The following GIGYF2 variants were observed in gnomAD, a reference collection of about 807,000 sequenced individuals.
GIGYF2 encodes the protein GRB10 interacting GYF protein 2.
In GIGYF2, 25 loss-of-function variants were observed where a neutral mutation model predicts 208.1. That is an observed-to-expected ratio of 0.12 (90% CI 0.09 to 0.17). The LOEUF is 0.17. Ranked by LOEUF, GIGYF2 falls within the 10% of genes least tolerant of loss-of-function variation. GIGYF2 has a pLI of 1.00. For missense variants in GIGYF2, 1,302 were observed against 1,579.4 expected (o/e 0.82, Z 2.98); for synonymous variants, 534 against 543.8 (o/e 0.98, Z 0.25).
At chr2:232,840,165 G>A (rs923854998) in intron 23 of GIGYF2, among the ~76,000 whole-genome samples, 194 bp downstream of exon 23, 1 of 152,186 alleles carries the variant, frequency 6.6e-6, no homozygotes, top group Non-Finnish European at 1.5e-5. Context: ...ATAACATGAA[G>A]ATTGAGTAAC....
intron 22 of GIGYF2, among the ~76,000 whole-genome samples, chr2:232,837,278 C>T: frequency 6.6e-6 from 1 of 152,142 alleles, no homozygotes; most frequent in Non-Finnish European, 1.5e-5. Flanking sequence ...GAAGGGAAGC[C>T]GTGTCTTGAC....
In GIGYF2 at chr2:232,747,610, T is replaced by C. The variant is rs773916533; in HGVS notation, c.42-5T>C. The C allele has an allele frequency of 4.3e-5, 69 of 1,614,014 alleles. No homozygotes were observed. In the East Asian group the frequency reaches 1.4e-3, roughly 34 times the overall value. Reference sequence around the variant, plus strand: ...TTGACATATTCTCTGTCTTTTCTATTCTAGGCTCCGAGCTCTGTCCAGTGG... The same window carrying C: ...TTGACATATTCTCTGTCTTTTCTATCCTAGGCTCCGAGCTCTGTCCAGTGG... On this transcript the variant is annotated splice_region_variant and splice_polypyrimidine_tract_variant and intron_variant, in intron 3 of 28. Coordinates refer to ENST00000373563, the MANE Select transcript of GIGYF2 (RefSeq NM_001103146.3).
At chr2:232,793,019 C>T (rs1368415211) in intron 12 of GIGYF2, among the ~76,000 whole-genome samples, 1 of 152,078 alleles carries the variant, frequency 6.6e-6, no homozygotes, top group Non-Finnish European at 1.5e-5. Context: ...AGTAGGTGGT[C>T]TCTGAACACA....
chr2:232,703,661 C>G (rs1014350520), intron 2 of GIGYF2, among the ~76,000 whole-genome samples, 172 bp downstream of exon 2: 1 of 152,190 alleles, frequency 6.6e-6, no homozygotes, highest in Non-Finnish European at 1.5e-5. Flanking sequence ...GTAACATACC[C>G]TTTCTGCATT....
At chr2:232,712,238 C>T (rs1696454255) in intron 2 of GIGYF2, among the ~76,000 whole-genome samples, 1 of 152,016 alleles carries the variant, frequency 6.6e-6, no homozygotes, top group African/African-American at 2.4e-5. Context: ...TCTTTCAAGT[C>T]AAAATTATGT....
intron 2 of GIGYF2, among the ~76,000 whole-genome samples, chr2:232,710,480 T>C (rs1310477528): frequency 1.3e-5 from 2 of 152,220 alleles, no homozygotes; most frequent in African/African-American, 2.4e-5. Context: ...TGTTTAATGA[T>C]TGCCTTGTGC....
intron 2 of GIGYF2, among the ~76,000 whole-genome samples, chr2:232,722,236 G>C (rs894346598): frequency 2.0e-5 from 3 of 152,136 alleles, no homozygotes; most frequent in Admixed American, 6.5e-5. Flanking sequence ...GAAAGAAAGA[G>C]GTTTAATTGA....
chr2:232,797,596 C>T (rs1700263494), intron 14 of GIGYF2, among the ~76,000 whole-genome samples: 1 of 150,378 alleles, frequency 6.6e-6, no homozygotes, highest in Non-Finnish European at 1.5e-5. Flanking sequence ...AGAGAGATTC[C>T]ATATACCCTT....
At chr2:232,722,366 G>C (rs990074135) in intron 2 of GIGYF2, among the ~76,000 whole-genome samples, 1 of 152,138 alleles carries the variant, frequency 6.6e-6, no homozygotes, top group Non-Finnish European at 1.5e-5. Context: ...ACCGAAGCGG[G>C]AAGAGCCCCT....
intron 8 of GIGYF2, among the ~76,000 whole-genome samples, chr2:232,783,644 ATTTC>A (rs1275834886): frequency 3.4e-5 from 5 of 145,210 alleles, no homozygotes; most frequent in African/African-American, 1.3e-4. Context: ...ACACAAAATA[ATTTC>A]TTTTTTTTTG....
At chr2:232,802,581 A>G (rs1050257596) in intron 14 of GIGYF2, among the ~76,000 whole-genome samples, 2 of 152,184 alleles carry the variant, frequency 1.3e-5, no homozygotes, top group African/African-American at 4.8e-5. Context: ...CATTCTAGGA[A>G]TAAATAAATC....
At chr2:232,820,653 A>G (rs946654573) in intron 21 of GIGYF2, among the ~76,000 whole-genome samples, 4 of 152,180 alleles carry the variant, frequency 2.6e-5, no homozygotes, top group South Asian at 2.1e-4. Flanking sequence ...ATTTTCATGT[A>G]TGGTATGAGA....
chr2:232,751,976 A>C (rs1464799810), intron 5 of GIGYF2, among the ~76,000 whole-genome samples: 1 of 152,174 alleles, frequency 6.6e-6, no homozygotes. Context: ...GAATATGTTT[A>C]ATTTTGTTCT....
chr2:232,832,813 C>G lies in GIGYF2; in HGVS notation c.2530-44C>G, dbSNP rs556302562. The G allele has an allele frequency of 1.1e-3, 1,511 of 1,418,718 alleles. 15 individuals are homozygous for G. Among genetic ancestry groups the G allele is most frequent in the Middle Eastern group, 6.3e-3 (27 of 4,296 alleles). The allele number at this position is 1,418,718 out of a possible 1,614,324, so 87.9% of individuals were successfully genotyped here. A position where few individuals can be genotyped will look rare whatever the true frequency, so the allele number is the denominator to read the frequency against. Reference sequence around the variant, plus strand: ...AAAGTGAGTCAGATTTTTCCCCCCACAATTAATAAAATTTTTATATCTTTA... The same window carrying G: ...AAAGTGAGTCAGATTTTTCCCCCCAGAATTAATAAAATTTTTATATCTTTA... On this transcript the variant is annotated intron_variant, in intron 21 of 28. Coordinates refer to ENST00000373563, the MANE Select transcript of GIGYF2 (RefSeq NM_001103146.3).
chr2:232,828,337 A>G (rs1423373520), intron 21 of GIGYF2, among the ~76,000 whole-genome samples: 1 of 150,412 alleles, frequency 6.6e-6, no homozygotes, highest in Non-Finnish European at 1.5e-5. Flanking sequence ...AGAGAACACA[A>G]TCTGTAAGAT....
At chr2:232,845,589 ATTT>A in intron 25 of GIGYF2, 140 bp from the exon 26 acceptor site, 1 of 721,976 alleles carries the variant, frequency 1.4e-6, no homozygotes. Flanking sequence ...AAATATTTGA[ATTT>A]TTTTCTTTTT....
intron 5 of GIGYF2, among the ~76,000 whole-genome samples, chr2:232,750,309 G>A (rs1220303503): frequency 6.6e-6 from 1 of 152,202 alleles, no homozygotes; most frequent in African/African-American, 2.4e-5. Context: ...GTAGCCAAAG[G>A]TCTTCCTGGC....
At position 232,845,570 on chromosome 2, in the gene GIGYF2, A is replaced by G. The variant is rs139229579; in HGVS notation, c.3306-162A>G. On this transcript the variant is annotated intron_variant, in intron 25 of 28. Transcript: ENST00000373563. ...AACTGAGGCTAGATTTTAAGGGTAT[A>G]TCCAATCCAAATATTTGAATTTTTT... Among the ~76,000 whole-genome samples the G allele has an allele frequency of 1.0e-3, 154 of 152,320 alleles. 3 individuals carry two copies. The highest frequency in any genetic ancestry group is 9.1e-3 in the Admixed American group (139 of 15,302).
At chr2:232,787,075 T>A (rs1451162093) in intron 8 of GIGYF2, 75 bp from the exon 9 acceptor site, 18 of 1,059,508 alleles carry the variant, frequency 1.7e-5, no homozygotes, top group Non-Finnish European at 2.5e-5. Context: ...AAGCTTGATT[T>A]GAGCTGTGAA....
Sources: allele counts gnomAD v4.1 joint callset (sites outside exome capture counted in the v4.1 genomes callset), GRCh38; gene constraint gnomAD v4.1.1; transcripts MANE v1.5; gene names NCBI Gene and HGNC (gene_info 2026-07-23, HGNC 2026-07-21).